WDR70: variants seen among roughly 807,000 people sequenced by gnomAD.
WDR70 encodes WD repeat-containing protein 70.
Under a neutral mutation model 88.6 loss-of-function variants are expected in WDR70, and 53 were observed. The ratio of observed to expected loss-of-function variants is 0.60; its 90% CI spans 0.48 to 0.75. WDR70 has a LOEUF of 0.75. WDR70 is among the 30% of genes least tolerant of loss of function. The pLI, the probability that WDR70 is intolerant of heterozygous loss-of-function variation, is 0.00. For missense variants in WDR70, 610 were observed against 823.2 expected, an observed-to-expected ratio of 0.74 and a Z score of 3.17; for synonymous variants, 280 against 270.0, an observed-to-expected ratio of 1.04 and a Z score of -0.36.
At chr5:37,384,173 C>CTTTTTTTTTTTTTTT (rs57075180) in intron 3 of WDR70, among the ~76,000 whole-genome samples, 3 of 107,870 alleles carry the variant, frequency 2.8e-5, no homozygotes, top group Non-Finnish European at 3.7e-5. Context: ...ACTTTCCCCC[C>CTTTTTTTTTTTTTTT]TTTTTTTTTT....
chr5:37,444,162 T>G (rs1738383832), intron 7 of WDR70, among the ~76,000 whole-genome samples: 1 of 144,672 alleles, frequency 6.9e-6, no homozygotes, highest in African/African-American at 2.5e-5. Flanking sequence ...ACAAAAAAAT[T>G]AAAAAAAAAA....
intron 5 of WDR70, among the ~76,000 whole-genome samples, chr5:37,424,497 C>T (rs888466843): frequency 1.3e-4 from 20 of 151,528 alleles, no homozygotes; most frequent in African/African-American, 4.9e-4. Flanking sequence ...CTTAAGCTTC[C>T]AGGCTCAAGT....
At chr5:37,388,234 A>G (rs965662582) in intron 3 of WDR70, among the ~76,000 whole-genome samples, 1 of 151,664 alleles carries the variant, frequency 6.6e-6, no homozygotes, top group Non-Finnish European at 1.5e-5. Context: ...ATTCTTCCTC[A>G]GCCCCCTGAG....
intron 9 of WDR70, among the ~76,000 whole-genome samples, chr5:37,602,629 A>G (rs1375755655): frequency 6.6e-6 from 1 of 151,972 alleles, no homozygotes; most frequent in Non-Finnish European, 1.5e-5. Context: ...CTGTCTCAAA[A>G]AAAAAGAAAA....
chr5:37,653,974 G>T (rs1745480526), intron 10 of WDR70, among the ~76,000 whole-genome samples: 1 of 151,932 alleles, frequency 6.6e-6, no homozygotes, highest in African/African-American at 2.4e-5. Flanking sequence ...GTTATTTCTG[G>T]TCTTCTGGTA....
At chr5:37,678,904 C>T (rs1746326205) in intron 10 of WDR70, among the ~76,000 whole-genome samples, 1 of 152,222 alleles carries the variant, frequency 6.6e-6, no homozygotes, top group Non-Finnish European at 1.5e-5. Context: ...CACATAGTCC[C>T]ATATTTCTTG....
chr5:37,506,395 C>A lies in WDR70; in HGVS notation c.841-10119C>A, dbSNP rs543815001. On this transcript the variant is annotated intron_variant, in intron 8 of 17. Coordinates refer to ENST00000265107, the MANE Select transcript of WDR70 (RefSeq NM_018034.4). The stretch of plus-strand genomic sequence containing the variant: ...ATGCCATCATTTACAATGAGCTGTC[C>A]ATGACACAAGTAGTTCAAAGTGGGT... 22 of 784,106 alleles carry A rather than the reference C, an allele frequency of 2.8e-5. No individual in the cohort carries two copies. The Middle Eastern group carries it at 1.1e-3, about 39-fold the overall frequency. 48.6% of individuals were successfully genotyped at this position (784,106 alleles called of 1,614,324 possible). A position where few individuals can be genotyped will look rare whatever the true frequency, so the allele number is the denominator to read the frequency against.
intron 7 of WDR70, among the ~76,000 whole-genome samples, chr5:37,478,683 T>G (rs1416143159): frequency 6.6e-6 from 1 of 152,192 alleles, no homozygotes; most frequent in African/African-American, 2.4e-5. Flanking sequence ...ATTTCAGGAA[T>G]GGACTATTTT....
chr5:37,581,622 T>C (rs1743219019), intron 9 of WDR70, among the ~76,000 whole-genome samples: 1 of 152,190 alleles, frequency 6.6e-6, no homozygotes, highest in African/African-American at 2.4e-5. Flanking sequence ...AAATCAGCTC[T>C]CTGGGTAGGG....
At chr5:37,641,815 A>G (rs367812619) in intron 10 of WDR70, among the ~76,000 whole-genome samples, 9 of 152,312 alleles carry the variant, frequency 5.9e-5, no homozygotes, top group Admixed American at 2.0e-4. Flanking sequence ...TTTCTCTGCT[A>G]TAGGTACTGG....
intron 7 of WDR70, among the ~76,000 whole-genome samples, chr5:37,456,664 T>A (rs1738850489): frequency 2.0e-5 from 3 of 152,186 alleles, no homozygotes; most frequent in Admixed American, 2.0e-4. Flanking sequence ...GAACTTTCAT[T>A]TTATATTTTT....
chr5:37,689,278 G>T (rs1277504970), intron 10 of WDR70, among the ~76,000 whole-genome samples: 1 of 152,256 alleles, frequency 6.6e-6, no homozygotes, highest in Non-Finnish European at 1.5e-5. Flanking sequence ...ACAAAAGGCA[G>T]CAGACAACTT....
chr5:37,511,695 T>C (rs1475281499), intron 8 of WDR70, among the ~76,000 whole-genome samples: 2 of 152,200 alleles, frequency 1.3e-5, no homozygotes, highest in African/African-American at 4.8e-5. Context: ...TGAGTTCACA[T>C]TGATACCCTT....
chr5:37,577,434 T>G (rs147868850), intron 9 of WDR70, among the ~76,000 whole-genome samples: 1,939 of 152,196 alleles, frequency 0.013, 28 homozygotes, highest in Non-Finnish European at 0.019. Flanking sequence ...GTGAGCTGAT[T>G]AAATGCACTC....
intron 5 of WDR70, among the ~76,000 whole-genome samples, chr5:37,431,601 T>G (rs1750304828): frequency 6.6e-6 from 1 of 152,214 alleles, no homozygotes; most frequent in Non-Finnish European, 1.5e-5. Flanking sequence ...TTAACCATTT[T>G]TAAGTGTACA....
chr5:37,616,922 TTG>T (rs1044817021), intron 10 of WDR70, among the ~76,000 whole-genome samples: 2 of 152,196 alleles, frequency 1.3e-5, no homozygotes, highest in Non-Finnish European at 2.9e-5. Context: ...TATCAAATAA[TTG>T]TGTTTTATAA....
At chr5:37,746,840 C>T (rs1307069114) in intron 17 of WDR70, among the ~76,000 whole-genome samples, 1 of 152,174 alleles carries the variant, frequency 6.6e-6, no homozygotes, top group Admixed American at 6.5e-5. Context: ...ACCGGAAGTA[C>T]AAAGAGAAGC....
At chr5:37,615,779 G>A (rs16903691) in intron 10 of WDR70, among the ~76,000 whole-genome samples, 71,033 of 151,880 alleles carry the variant, frequency 0.47, 18,102 homozygotes, top group Non-Finnish European at 0.58. Context: ...TTATTTTTCC[G>A]TTTAGAACTT....
chr5:37,533,474 A>G (rs1741563494), intron 9 of WDR70, among the ~76,000 whole-genome samples: 1 of 146,326 alleles, frequency 6.8e-6, no homozygotes, highest in Admixed American at 6.8e-5. Flanking sequence ...CACCACCACC[A>G]CCACCACCAC....
Sources: gnomAD v4.1 joint callset for allele counts (sites outside exome capture counted in the v4.1 genomes callset) on GRCh38, gnomAD v4.1.1 for gene constraint, MANE v1.5 for transcripts, NCBI Gene and HGNC (gene_info 2026-07-23, HGNC 2026-07-21) for gene names.